SERPINA4: variants seen among roughly 807,000 people sequenced by gnomAD.
SERPINA4 encodes the protein kallistatin.
A neutral mutation model predicts 25.4 loss-of-function variants in SERPINA4; 24 were observed. That is an observed-to-expected ratio of 0.95 (90% CI 0.69 to 1.33). The LOEUF (loss-of-function observed/expected upper bound fraction) is 1.33, where lower values mean the gene tolerates loss of function less well. Among genes scored for constraint, SERPINA4 ranks in the 40% most tolerant of loss-of-function variants. SERPINA4 has a pLI of 0.00. For missense variants in SERPINA4, 553 were observed against 535.8 expected, an observed-to-expected ratio of 1.03 and a Z score of -0.32; for synonymous variants, 242 against 223.6, an observed-to-expected ratio of 1.08 and a Z score of -0.73.
chr14:94,566,498 A>G (rs1902215981), intron 2 of SERPINA4, among the ~76,000 whole-genome samples: 1 of 151,994 alleles, frequency 6.6e-6, no homozygotes, highest in Non-Finnish European at 1.5e-5. Flanking sequence ...TCTCACCTCC[A>G]AATCTACTCA....
At chr14:94,561,682 C>T (rs1902029834) in intron 1 of SERPINA4, 188 bp downstream of exon 1, 1 of 1,289,198 alleles carries the variant, frequency 7.8e-7, no homozygotes, top group African/African-American at 1.5e-5. Flanking sequence ...TAGAAAGGCC[C>T]CGACTTAGGG....
Position 94,561,468 on chromosome 14 carries a change from G to A in SERPINA4, c.-44G>A. 2.9e-6 allele frequency: 1 copy of A among 350,754 alleles called. No homozygotes were observed. Among genetic ancestry groups the A allele is most frequent in the Non-Finnish European group, 5.4e-6 (1 of 186,422 alleles). The allele number at this position is 350,754 out of a possible 1,614,324, so 21.7% of individuals were successfully genotyped here. A position where few individuals can be genotyped will look rare whatever the true frequency, so the allele number is the denominator to read the frequency against. ...AGACAGAGCTGAGACAGCCACCCAG[G>A]GGGTCCACTCCAGGACAGACTGTGC... On this transcript the variant is annotated 5_prime_UTR_variant, in exon 1 of 5. Coordinates refer to ENST00000557004, the MANE Select transcript of SERPINA4 (RefSeq NM_006215.4).
chr14:94,565,895 A>C (rs2284656), intron 2 of SERPINA4, among the ~76,000 whole-genome samples: 1 of 151,616 alleles, frequency 6.6e-6, no homozygotes, highest in African/African-American at 2.4e-5. Context: ...TTAAACTTTA[A>C]AAAAAAAATT....
rs140377924 is a variant in SERPINA4 at position 94,563,753 on chromosome 14, C to T, written c.271C>T (p.Leu91=). ...CTCGGCGGCCTACGCCATGCTTTCC[C>T]TGGGGGCCTGCTCACACAGCCGCAG... is the stretch of plus-strand genomic sequence containing the variant. ...SISAAYAMLS[L]GACSHSRSQI... Residue 91 remains leucine, a synonymous_variant, in exon 2 of 5, where the codon CTG becomes TTG. Coordinates refer to ENST00000557004, the MANE Select transcript of SERPINA4 (RefSeq NM_006215.4). 2.5e-6 allele frequency: 4 copies of T among 1,614,024 alleles called. No homozygotes were observed. The African/African-American group carries it at 5.3e-5, about 22-fold the overall frequency.
In SERPINA4 at chr14:94,567,172, C is replaced by G. The variant is rs182924906; in HGVS notation, c.852C>G (p.Gly284=). 2 of 1,614,112 alleles carry G rather than the reference C, an allele frequency of 1.2e-6. No homozygotes were observed. Among genetic ancestry groups the G allele is most frequent in the African/African-American group, 1.3e-5 (1 of 75,020 alleles). Residue 284 remains glycine, a synonymous_variant, in exon 3 of 5, where the codon GGC becomes GGG. Transcript: ENST00000557004. The stretch of plus-strand genomic sequence containing the variant: ...TGTTTTTCATTCTCCCTAACCAAGG[C>G]AAAATGAGGGAGATTGAAGAGGTTC... The part of the protein sequence containing the change: ...ATVFFILPNQ[G]KMREIEEVLT...
rs141982763 is a variant in SERPINA4, at chr14:94,563,965, C to T, written c.483C>T (p.Ala161=). 1.3e-4 allele frequency: 213 copies of T among 1,614,150 alleles called. No homozygotes were observed. In the African/African-American group the frequency reaches 1.7e-3, roughly 13 times the overall value. Residue 161 remains alanine, a synonymous_variant, in exon 2 of 5, where the codon GCC becomes GCT. Coordinates refer to ENST00000557004, the MANE Select transcript of SERPINA4 (RefSeq NM_006215.4). The part of the protein sequence containing the change: ...FLAKFLNDTM[A]VYEAKLFHTN... ...CAAAATTCCTGAATGACACCATGGC[C>T]GTCTATGAGGCTAAACTCTTCCACA...
chr14:94,567,417 A>C (rs1216510459), intron 3 of SERPINA4, among the ~76,000 whole-genome samples, 174 bp downstream of exon 3: 5 of 152,198 alleles, frequency 3.3e-5, no homozygotes, highest in Non-Finnish European at 7.3e-5. Flanking sequence ...GTTATATTTA[A>C]AATATGACTT....
At chr14:94,566,944 G>A in intron 2 of SERPINA4, 26 bp from the exon 3 acceptor site, 1 of 1,600,474 alleles carries the variant, frequency 6.2e-7, no homozygotes. Context: ...CAGATGTCCT[G>A]TACCTTCTTT....
intron 2 of SERPINA4, among the ~76,000 whole-genome samples, chr14:94,566,642 A>G (rs567502090): frequency 6.6e-6 from 1 of 152,122 alleles, no homozygotes; most frequent in East Asian, 1.9e-4. Context: ...ACACTCTGCC[A>G]TCTCCTCTCT....
Position 94,569,882 on chromosome 14 carries a change from C to T in SERPINA4, c.*287C>T, listed in dbSNP as rs572076201. 4.1e-4 allele frequency: 193 copies of T among 473,632 alleles called. 1 individual carries two copies. The highest frequency in any genetic ancestry group is 6.6e-4 in the Non-Finnish European group (172 of 259,754). 29.3% of individuals were successfully genotyped at this position (473,632 alleles called of 1,614,324 possible). A position where few individuals can be genotyped will look rare whatever the true frequency, so the allele number is the denominator to read the frequency against. ...CCTTTTCACAACAGGCTGGTTGTACCGAGTAAACAACACGATGCCATGAAG... is the reference window on the plus strand; with the variant it reads ...CCTTTTCACAACAGGCTGGTTGTACTGAGTAAACAACACGATGCCATGAAG... On this transcript the variant is annotated 3_prime_UTR_variant, in exon 5 of 5. Coordinates refer to ENST00000557004, the MANE Select transcript of SERPINA4 (RefSeq NM_006215.4).
At chr14:94,563,100 A>T (rs567326231) in intron 1 of SERPINA4, among the ~76,000 whole-genome samples, 1 of 152,192 alleles carries the variant, frequency 6.6e-6, no homozygotes, top group East Asian at 1.9e-4. Flanking sequence ...GAGTCTGGGG[A>T]TGTGGGTTCT....
intron 4 of SERPINA4, among the ~76,000 whole-genome samples, chr14:94,568,812 A>G (rs1902300696): frequency 6.6e-6 from 1 of 151,014 alleles, no homozygotes; most frequent in African/African-American, 2.4e-5. Flanking sequence ...CAATGTGACC[A>G]GAGATCAGGC....
intron 4 of SERPINA4, among the ~76,000 whole-genome samples, chr14:94,568,836 C>G (rs2139908342): frequency 6.8e-6 from 1 of 146,442 alleles, no homozygotes; most frequent in African/African-American, 2.5e-5. Flanking sequence ...TGCACTCCAG[C>G]CTGGGTGACA....
In SERPINA4 at chr14:94,568,169, T is replaced by G. The variant is rs1250982912; in HGVS notation, c.964T>G (p.Ser322Ala). ...KKLELHLPKF[S>A]ISGSYVLDQI... is the part of the protein sequence containing the mutation. ...GCTAGAGTTGCATCTTCCCAAGTTC[T>G]CCATTTCTGGCTCCTATGTATTAGA... is the stretch of plus-strand genomic sequence containing the variant. The change falls in exon 4 of 5, where the codon TCC becomes GCC. Residue 322 changes from serine to alanine, a missense_variant. Physicochemically the swap from Ser to Ala is moderately conservative, Grantham distance 99. Coordinates refer to ENST00000557004, the MANE Select transcript of SERPINA4 (RefSeq NM_006215.4). 1 of 1,614,234 alleles carries G rather than the reference T, an allele frequency of 6.2e-7. No individual in the cohort carries two copies. Among genetic ancestry groups the G allele is most frequent in the East Asian group, 2.2e-5 (1 of 44,888 alleles).
At chr14:94,565,832 C>T (rs1902186947) in intron 2 of SERPINA4, among the ~76,000 whole-genome samples, 1 of 151,940 alleles carries the variant, frequency 6.6e-6, no homozygotes, top group African/African-American at 2.4e-5. Flanking sequence ...GTCTGGGTGA[C>T]AGAATGAGAC....
At position 94,568,211 on chromosome 14, in the gene SERPINA4, C is replaced by G. The variant is rs1324499906; in HGVS notation, c.1006C>G (p.Leu336Val). 1 of 1,614,246 alleles carries G rather than the reference C, an allele frequency of 6.2e-7. No individual in the cohort carries two copies. The highest frequency in any genetic ancestry group is 1.7e-5 in the Admixed American group (1 of 60,032). Residue 336 changes from leucine (L) to valine (V), a missense_variant, in exon 4 of 5, where the codon CTG (leucine) becomes GTG (valine). By Grantham distance (32) the Leu-to-Val change is conservative. Coordinates refer to ENST00000557004, the MANE Select transcript of SERPINA4 (RefSeq NM_006215.4). ...SYVLDQILPR[L>V]GFTDLFSKWA... ...TGTATTAGATCAGATTTTGCCCAGG[C>G]TGGGCTTCACGGATCTGTTCTCCAA... is the stretch of plus-strand genomic sequence containing the variant.
At chr14:94,569,259 G>T in intron 4 of SERPINA4, 136 bp from the exon 5 acceptor site, 1 of 747,764 alleles carries the variant, frequency 1.3e-6, no homozygotes, top group South Asian at 1.8e-5. Context: ...TGAAATTCTT[G>T]CTGTGTTATC....
chr14:94,568,810 C>T (rs1902300583), intron 4 of SERPINA4, among the ~76,000 whole-genome samples: 1 of 150,486 alleles, frequency 6.6e-6, no homozygotes, highest in African/African-American at 2.5e-5. Context: ...TGCAATGTGA[C>T]CAGAGATCAG....
intron 4 of SERPINA4, 133 bp from the exon 5 acceptor site, chr14:94,569,262 G>A: frequency 2.6e-6 from 2 of 774,016 alleles, no homozygotes; most frequent in East Asian, 2.7e-5. Context: ...AATTCTTGCT[G>A]TGTTATCCCC....
Sources: allele counts gnomAD v4.1 joint callset (sites outside exome capture counted in the v4.1 genomes callset), GRCh38; gene constraint gnomAD v4.1.1; transcripts MANE v1.5; gene names NCBI Gene and HGNC (gene_info 2026-07-23, HGNC 2026-07-21).